The following COL26A1 variants were observed in gnomAD, a reference collection of about 807,000 sequenced individuals.
The protein encoded by COL26A1 is collagen alpha-1(XXVI) chain.
COL26A1 carries 41 observed loss-of-function variants against 59.3 expected under a neutral mutation model. That is an observed-to-expected ratio of 0.69 (90% CI 0.54 to 0.90). COL26A1 has a LOEUF of 0.90. Among genes scored for constraint, COL26A1 ranks in the 40% least tolerant of loss-of-function variants. COL26A1 has a pLI of 0.00. For synonymous variants in COL26A1, 266 were observed against 256.0 expected (o/e 1.04, Z -0.37); for missense variants, 612 against 602.3 (o/e 1.02, Z -0.17).
At chr7:101,415,144 C>T (rs901163472) in intron 1 of COL26A1, among the ~76,000 whole-genome samples, 3 of 149,334 alleles carry the variant, frequency 2.0e-5, no homozygotes, top group African/African-American at 4.9e-5. Context: ...TAGTCCTGAT[C>T]ATAACCCCCC....
intron 1 of COL26A1, among the ~76,000 whole-genome samples, chr7:101,380,615 T>G (rs1791424130): frequency 6.6e-6 from 1 of 152,124 alleles, no homozygotes; most frequent in African/African-American, 2.4e-5. Flanking sequence ...CCCAAATTCT[T>G]TCTCACACAA....
chr7:101,461,825 C>T (rs531432677), intron 3 of COL26A1, among the ~76,000 whole-genome samples: 5 of 152,196 alleles, frequency 3.3e-5, no homozygotes, highest in Non-Finnish European at 5.9e-5. Flanking sequence ...TTCAAGGTCT[C>T]GTCCACAGTG....
chr7:101,420,116 T>A lies in COL26A1; in HGVS notation c.281+17T>A, dbSNP rs768750459. On this transcript the variant is annotated intron_variant, in intron 2 of 12. Coordinates refer to ENST00000313669, the MANE Select transcript of COL26A1 (RefSeq NM_001278563.3). ...CCTCGTAAGGTAAAGGCCGCTGGGC[T>A]AGGCTGCTCTGCCCTTCCCTCCCAT... The A allele has an allele frequency of 6.2e-7, 1 of 1,611,056 alleles. No homozygotes were observed. Among genetic ancestry groups the A allele is most frequent in the Non-Finnish European group, 8.5e-7 (1 of 1,179,696 alleles).
intron 3 of COL26A1, among the ~76,000 whole-genome samples, chr7:101,522,554 C>A (rs529899490): frequency 2.0e-5 from 3 of 152,256 alleles, no homozygotes; most frequent in African/African-American, 7.2e-5. Context: ...CTAGAAAAAG[C>A]AGAGAGGGGC....
intron 2 of COL26A1, among the ~76,000 whole-genome samples, chr7:101,434,139 T>C (rs1792852480): frequency 3.0e-5 from 2 of 66,296 alleles, no homozygotes; most frequent in South Asian, 1.1e-3. Context: ...CTTCTTTCTC[T>C]GTCTCTCTTT....
rs1007771204 is a variant in COL26A1 at position 101,416,830 on chromosome 7, C to A, written c.159-3147C>A. Among the ~76,000 whole-genome samples the A allele has an allele frequency of 3.5e-5, 5 of 143,312 alleles. 1 individual carries two copies. The highest frequency in any genetic ancestry group is 7.1e-5 in the Admixed American group (1 of 14,164). The allele number at this position is 143,312 out of a possible 152,430, so 94.0% of individuals were successfully genotyped here. A position where few individuals can be genotyped will look rare whatever the true frequency, so the allele number is the denominator to read the frequency against. ...TCATGGCTCACTGCAGTCTCAAACT[C>A]CTGTGCTCCAGCGATCCTCCTGCCT... On this transcript the variant is annotated intron_variant, in intron 1 of 12. Transcript: ENST00000313669.
chr7:101,372,901 G>A (rs1014469586), intron 1 of COL26A1, among the ~76,000 whole-genome samples: 3 of 152,154 alleles, frequency 2.0e-5, no homozygotes, highest in African/African-American at 7.2e-5. Flanking sequence ...AGACTGAGGT[G>A]GGAGGATTGC....
intron 3 of COL26A1, among the ~76,000 whole-genome samples, chr7:101,525,243 G>C (rs56025144): frequency 0.2 from 28,533 of 141,780 alleles, 3,045 homozygotes; most frequent in Middle Eastern, 0.31. Context: ...ATGCAGTGGC[G>C]TGATCTCAGC....
At chr7:101,454,309 G>A (rs1358675290) in intron 3 of COL26A1, among the ~76,000 whole-genome samples, 3 of 140,102 alleles carry the variant, frequency 2.1e-5, no homozygotes, top group African/African-American at 8.0e-5. Flanking sequence ...CTACTGCTCA[G>A]ACTGGAGTGC....
At position 101,537,515 on chromosome 7, in the gene COL26A1, G is replaced by T. The variant is rs528557611; in HGVS notation, c.448-2378G>T. ...GTGAGCTCATGCCTGGACAGAAATG[G>T]GATCAGTTTCTCCAGGTCAGACACA... On this transcript the variant is annotated intron_variant, in intron 4 of 12. Coordinates refer to ENST00000313669, the MANE Select transcript of COL26A1 (RefSeq NM_001278563.3). Among the ~76,000 whole-genome samples the T allele has an allele frequency of 1.1e-4, 16 of 152,326 alleles. No homozygotes were observed. The East Asian group carries it at 1.2e-3, about 11-fold the overall frequency.
chr7:101,386,977 C>T (rs1168511526), intron 1 of COL26A1, among the ~76,000 whole-genome samples: 1 of 152,058 alleles, frequency 6.6e-6, no homozygotes, highest in Non-Finnish European at 1.5e-5. Context: ...AATCCCAGAA[C>T]CTGGCCACGC....
At chr7:101,403,576 C>A (rs34892954) in intron 1 of COL26A1, among the ~76,000 whole-genome samples, 26,661 of 151,912 alleles carry the variant, frequency 0.18, 2,784 homozygotes, top group Non-Finnish European at 0.24. Flanking sequence ...CCAGGTCTTG[C>A]TATATTGCCC....
chr7:101,545,606 C>T (rs1408220909), intron 7 of COL26A1, 116 bp downstream of exon 7: 2 of 1,137,124 alleles, frequency 1.8e-6, no homozygotes, highest in Non-Finnish European at 2.4e-6. Context: ...CATCCTGCTG[C>T]ACCCAACTGG....
chr7:101,365,606 T>C (rs1271785787), intron 1 of COL26A1, among the ~76,000 whole-genome samples: 1 of 152,074 alleles, frequency 6.6e-6, no homozygotes, highest in Non-Finnish European at 1.5e-5. Context: ...TTTGTATTGT[T>C]GGCCAATAAA....
At chr7:101,428,492 G>A (rs1025517479) in intron 2 of COL26A1, among the ~76,000 whole-genome samples, 1 of 152,140 alleles carries the variant, frequency 6.6e-6, no homozygotes, top group Non-Finnish European at 1.5e-5. Flanking sequence ...GAAAAAGTGA[G>A]AAGTAGATAA....
chr7:101,413,390 G>C (rs1286613225), intron 1 of COL26A1, among the ~76,000 whole-genome samples: 1 of 152,100 alleles, frequency 6.6e-6, no homozygotes, highest in Non-Finnish European at 1.5e-5. Context: ...ATGGTGGCGG[G>C]TGACTGTAAT....
At chr7:101,539,016 A>T (rs1164937399) in intron 4 of COL26A1, among the ~76,000 whole-genome samples, 1 of 152,064 alleles carries the variant, frequency 6.6e-6, no homozygotes, top group Admixed American at 6.5e-5. Context: ...GGCAGCAGAG[A>T]CTCACGGGGC....
At chr7:101,364,113 TG>T (rs1288414931) in intron 1 of COL26A1, among the ~76,000 whole-genome samples, 6 of 151,968 alleles carry the variant, frequency 3.9e-5, no homozygotes, top group African/African-American at 1.2e-4. Flanking sequence ...GGCCGGCAGG[TG>T]GCGCCATGGC....
chr7:101,477,275 C>T (rs769935344), intron 3 of COL26A1, among the ~76,000 whole-genome samples: 4 of 152,008 alleles, frequency 2.6e-5, no homozygotes, highest in South Asian at 2.1e-4. Flanking sequence ...TGTGTGTCTG[C>T]GTGGGATATG....
Sources: gnomAD v4.1 joint callset for allele counts (sites outside exome capture counted in the v4.1 genomes callset) on GRCh38, gnomAD v4.1.1 for gene constraint, MANE v1.5 for transcripts, NCBI Gene and HGNC (gene_info 2026-07-23, HGNC 2026-07-21) for gene names.